NDST3: variants seen among roughly 807,000 people sequenced by gnomAD.
NDST3 encodes bifunctional heparan sulfate N-deacetylase/N-sulfotransferase 3.
Under a neutral mutation model 96.1 loss-of-function variants are expected in NDST3, and 58 were observed. The ratio of observed to expected loss-of-function variants is 0.60; its 90% CI spans 0.49 to 0.75. The LOEUF is 0.75. NDST3 is among the 30% of genes least tolerant of loss of function. NDST3 has a pLI of 0.00. For missense variants in NDST3, 788 were observed against 1,034.2 expected (o/e 0.76, Z 3.27); for synonymous variants, 333 against 359.7 (o/e 0.93, Z 0.84).
chr4:118,170,707 C>T (rs556167664), intron 6 of NDST3, among the ~76,000 whole-genome samples: 144 of 151,880 alleles, frequency 9.5e-4, no homozygotes, highest in Non-Finnish European at 5.3e-4. Context: ...CCAGCCTGGG[C>T]GACAGAGTGA....
At chr4:118,251,481 G>T (rs987813614) in intron 12 of NDST3, among the ~76,000 whole-genome samples, 1 of 152,082 alleles carries the variant, frequency 6.6e-6, no homozygotes, top group African/African-American at 2.4e-5. Context: ...CATACAACAT[G>T]AGGTAAGGGT....
At chr4:118,111,630 G>A (rs1264904725) in intron 3 of NDST3, among the ~76,000 whole-genome samples, 4 of 150,308 alleles carry the variant, frequency 2.7e-5, no homozygotes, top group Non-Finnish European at 5.9e-5. Flanking sequence ...TCTGCCTCCC[G>A]GGTTAACGCC....
At chr4:118,037,423 C>T (rs890078713) in intron 1 of NDST3, among the ~76,000 whole-genome samples, 6 of 152,122 alleles carry the variant, frequency 3.9e-5, no homozygotes, top group Non-Finnish European at 5.9e-5. Flanking sequence ...AGGCACTGAG[C>T]GGTTACCTAC....
intron 10 of NDST3, among the ~76,000 whole-genome samples, chr4:118,238,151 AAAGAAAAGAAAGAAAGAAAG>A (rs1560738482): frequency 8.7e-5 from 6 of 68,664 alleles, no homozygotes; most frequent in Admixed American, 2.0e-4. Flanking sequence ...GAGAGAAAAG[AAAGAAAAGAAAGAAAGAAAG>A]AAAGAAAGAA....
At chr4:118,067,448 G>A (rs907916829) in intron 2 of NDST3, among the ~76,000 whole-genome samples, 4 of 152,148 alleles carry the variant, frequency 2.6e-5, no homozygotes, top group African/African-American at 9.6e-5. Context: ...AGGGGCAAAT[G>A]AACAATGGAA....
intron 9 of NDST3, 135 bp downstream of exon 9, chr4:118,233,270 T>A: frequency 4.0e-6 from 3 of 751,792 alleles, no homozygotes; most frequent in Non-Finnish European, 5.6e-6. Flanking sequence ...ATTGATTGAA[T>A]ATCATAAAGG....
chr4:118,163,688 A>T (rs922633500), intron 6 of NDST3, among the ~76,000 whole-genome samples: 11 of 152,134 alleles, frequency 7.2e-5, no homozygotes, highest in African/African-American at 2.4e-4. Context: ...CCAGCATGGC[A>T]CATGTATACA....
chr4:118,209,352 TCTAA>T (rs1190402945), intron 6 of NDST3, among the ~76,000 whole-genome samples: 1 of 152,190 alleles, frequency 6.6e-6, no homozygotes, highest in African/African-American at 2.4e-5. Context: ...TTGTCTGGCC[TCTAA>T]CTAACTGCAA....
chr4:118,046,702 G>T (rs1265108099), intron 1 of NDST3, among the ~76,000 whole-genome samples: 1 of 152,140 alleles, frequency 6.6e-6, no homozygotes, highest in Admixed American at 6.5e-5. Flanking sequence ...CCATCCAAGT[G>T]CCCGAGGGCT....
At chr4:118,139,667 G>A (rs1040600900) in intron 5 of NDST3, among the ~76,000 whole-genome samples, 4 of 152,186 alleles carry the variant, frequency 2.6e-5, no homozygotes, top group East Asian at 3.9e-4. Context: ...TTTTTCTGAT[G>A]ATCCATTCCC....
At chr4:118,141,699 A>T (rs1578715859) in intron 5 of NDST3, among the ~76,000 whole-genome samples, 1 of 152,188 alleles carries the variant, frequency 6.6e-6, no homozygotes, top group East Asian at 1.9e-4. Flanking sequence ...ATAGTCATAC[A>T]CTTTTAAAAT....
At chr4:118,052,264 A>T (rs1476504704) in intron 1 of NDST3, among the ~76,000 whole-genome samples, 1 of 152,028 alleles carries the variant, frequency 6.6e-6, no homozygotes, top group African/African-American at 2.4e-5. Context: ...ACATAATCCT[A>T]AACAAATTAA....
chr4:118,217,314 G>A (rs1054215886), intron 6 of NDST3, among the ~76,000 whole-genome samples: 13 of 152,210 alleles, frequency 8.5e-5, no homozygotes, highest in African/African-American at 2.9e-4. Context: ...CTGGGACCAT[G>A]TAGTGCCTTA....
intron 6 of NDST3, among the ~76,000 whole-genome samples, chr4:118,173,408 C>A (rs1328143957): frequency 6.6e-6 from 1 of 152,092 alleles, no homozygotes; most frequent in Non-Finnish European, 1.5e-5. Context: ...AATTTGGTCA[C>A]ACTTCTTAGT....
At chr4:118,108,305 T>C (rs1428805138) in intron 3 of NDST3, among the ~76,000 whole-genome samples, 3 of 152,252 alleles carry the variant, frequency 2.0e-5, no homozygotes, top group African/African-American at 4.8e-5. Flanking sequence ...AGTTACTTTT[T>C]ACTAAATTTT....
At chr4:118,153,824 AAATAAT>A (rs745796435) in intron 6 of NDST3, among the ~76,000 whole-genome samples, 13 of 151,842 alleles carry the variant, frequency 8.6e-5, no homozygotes, top group Non-Finnish European at 1.5e-4. Context: ...ACTCCATCTA[AAATAAT>A]AATAATAATA....
At chr4:118,200,337 AG>A (rs1208890744) in intron 6 of NDST3, among the ~76,000 whole-genome samples, 4 of 152,168 alleles carry the variant, frequency 2.6e-5, no homozygotes, top group African/African-American at 9.7e-5. Flanking sequence ...CGGCCACCTC[AG>A]GCCCACAGGG....
intron 6 of NDST3, among the ~76,000 whole-genome samples, chr4:118,202,959 T>C (rs1187261541): frequency 6.6e-6 from 1 of 152,228 alleles, no homozygotes; most frequent in African/African-American, 2.4e-5. Flanking sequence ...TTGTCATAGA[T>C]GGCTCTTATT....
chr4:118,108,091 C>G (rs1730349048), intron 3 of NDST3, among the ~76,000 whole-genome samples: 1 of 152,112 alleles, frequency 6.6e-6, no homozygotes, highest in Non-Finnish European at 1.5e-5. Context: ...TTTATAAAAC[C>G]ATAAAATCTC....
Sources: allele counts gnomAD v4.1 joint callset (sites outside exome capture counted in the v4.1 genomes callset), GRCh38; gene constraint gnomAD v4.1.1; transcripts MANE v1.5; gene names NCBI Gene and HGNC (gene_info 2026-07-23, HGNC 2026-07-21).